FAAH2: variants seen among roughly 807,000 people sequenced by gnomAD.
FAAH2 encodes fatty acid amide hydrolase 2.
FAAH2 carries 60 observed loss-of-function variants against 36.9 expected under a neutral mutation model. The observed-to-expected ratio is 1.63, with a 90% CI of 1.32 to 2.02. The LOEUF (loss-of-function observed/expected upper bound fraction) is 2.02, where lower values mean the gene tolerates loss of function less well. FAAH2 is among the 30% of genes most tolerant of loss of function. The pLI is 0.00. For missense variants in FAAH2, 689 were observed against 397.5 expected (o/e 1.73, Z -6.23); for synonymous variants, 214 against 143.8 (o/e 1.49, Z -3.49).
At chrX:57,346,218 G>A (rs755183997) in intron 5 of FAAH2, among the ~76,000 whole-genome samples, 9 of 111,310 alleles carry the variant, frequency 8.1e-5, no homozygotes, top group Non-Finnish European at 1.5e-4. Flanking sequence ...GGCTGTCAGT[G>A]GGGTTTTGAA....
intron 7 of FAAH2, among the ~76,000 whole-genome samples, chrX:57,412,978 TGAC>T (rs2055741356): frequency 8.9e-6 from 1 of 112,632 alleles, no homozygotes; most frequent in African/African-American, 3.2e-5. Context: ...TGACCAGTAA[TGAC>T]GAGCTTTTTA....
At chrX:57,452,113 C>A (rs2056795321) in intron 10 of FAAH2, 2 of 740,788 alleles carry the variant, frequency 2.7e-6, no homozygotes, top group Non-Finnish European at 3.2e-6. Context: ...CTGGCTTTCT[C>A]CCCTCTCCCC....
intron 4 of FAAH2, among the ~76,000 whole-genome samples, chrX:57,338,096 A>G (rs978809627): frequency 1.8e-5 from 2 of 112,004 alleles, no homozygotes; most frequent in African/African-American, 6.5e-5. Context: ...ACCACCAAAC[A>G]GGCTTTGTGT....
intron 4 of FAAH2, among the ~76,000 whole-genome samples, chrX:57,336,351 ACT>A (rs2053551982): frequency 9.1e-6 from 1 of 109,978 alleles, no homozygotes; most frequent in Admixed American, 9.8e-5. Flanking sequence ...CCCTTCATTG[ACT>A]CTCTTTTCAG....
the FAAH2 span, among the ~76,000 whole-genome samples, chrX:57,226,311 G>A: frequency 3.6e-5 from 4 of 112,010 alleles, no homozygotes; most frequent in Non-Finnish European, 7.5e-5. Context: ...ATGATTTAGA[G>A]CTTCTTTTAG....
chrX:57,380,731 C>G (rs1477017346), intron 6 of FAAH2, among the ~76,000 whole-genome samples, 181 bp from the exon 7 acceptor site: 1 of 112,168 alleles, frequency 8.9e-6, no homozygotes, highest in East Asian at 2.8e-4. Context: ...CATTCTCTCC[C>G]TTGCAGCTCA....
At chrX:57,137,868 T>A in the FAAH2 span, among the ~76,000 whole-genome samples, 10,691 of 111,440 alleles carry the variant, frequency 0.096, 1,183 homozygotes, top group African/African-American at 0.32. Context: ...TGTGTATGTA[T>A]GTATATATAT....
Position 57,447,009 on chromosome X carries a change from G to C in FAAH2, c.1198G>C (p.Gly400Arg). 1.7e-6 allele frequency: 2 copies of C among 1,206,009 alleles called. No individual in the cohort carries two copies. Among genetic ancestry groups the C allele is most frequent in the Non-Finnish European group, 2.2e-6 (2 of 891,825 alleles). ...PLWELIKWCL[G>R]LSVYTIPSIG... ...GTGGGAGTTGATCAAATGGTGCCTG[G>C]GTCTGTCAGTGTACACCATCCCTTC... is the stretch of plus-strand genomic sequence containing the variant. Residue 400 changes from glycine to arginine, a missense_variant, in exon 9 of 11, where the codon GGT (glycine) becomes CGT (arginine). Coordinates refer to ENST00000374900, the MANE Select transcript of FAAH2 (RefSeq NM_174912.4).
intron 8 of FAAH2, among the ~76,000 whole-genome samples, chrX:57,437,250 C>A (rs771824968): frequency 5.4e-5 from 6 of 110,763 alleles, no homozygotes; most frequent in African/African-American, 2.0e-4. Flanking sequence ...AGGCCACATA[C>A]AACAAACCCA....
Position 57,307,925 on chromosome X carries a change from GGTT to G in FAAH2, c.276-2667_276-2665del, listed in dbSNP as rs746158425. ...GTGCCTGTGTTAATTAGGTTAATTA[GGTT>G]AATAATGACCTCTGGGTGCATCCAT... On this transcript the variant is annotated intron_variant, in intron 2 of 10. Transcript: ENST00000374900. Among the ~76,000 whole-genome samples the G allele has an allele frequency of 3.3e-4, 3 of 9,209 alleles. No individual in the cohort carries two copies. The South Asian group carries it at 0.23, about 708-fold the overall frequency. 8.0% of individuals were successfully genotyped at this position (9,209 alleles called of 115,157 possible).
chrX:57,341,248 C>T, intron 4 of FAAH2, 23 bp from the exon 5 acceptor site: 1 of 1,183,931 alleles, frequency 8.4e-7, no homozygotes, highest in African/African-American at 1.8e-5. Flanking sequence ...TATTTATTTG[C>T]AAGTATTTTG....
At position 57,420,963 on chromosome X, in the gene FAAH2, C is replaced by T. The variant is rs749225294; in HGVS notation, c.997-10955C>T. On this transcript the variant is annotated intron_variant, in intron 7 of 10. Transcript: ENST00000374900. ...TGAATTTTGTCAAAGGCCTTTTCTG[C>T]ATCTATTGAGATAATTATGTGGTTT... Among the ~76,000 whole-genome samples the T allele has an allele frequency of 8.9e-5, 10 of 112,389 alleles. No individual in the cohort carries two copies. The South Asian group carries it at 3.7e-3, about 41-fold the overall frequency.
chrX:57,448,577 T>G lies in FAAH2; in HGVS notation c.1282T>G (p.Phe428Val). ...ATATAGCAATGAGAAATACCAAAAGTTTAAGGCAGTGGAAGAAAGCCTGCG... is the reference window on the plus strand; with the variant it reads ...ATATAGCAATGAGAAATACCAAAAGGTTAAGGCAGTGGAAGAAAGCCTGCG... ...LRYSNEKYQK[F>V]KAVEESLRKE... The change falls in exon 10 of 11, where the codon TTT becomes GTT. Residue 428 changes from phenylalanine (F) to valine (V), a missense_variant. By Grantham distance (50) the Phe-to-Val change is conservative. Transcript: ENST00000374900. 1 of 1,211,243 alleles carries G rather than the reference T, an allele frequency of 8.3e-7. No individual in the cohort carries two copies.
chrX:57,199,297 GT>G, the FAAH2 span, among the ~76,000 whole-genome samples: 1 of 110,284 alleles, frequency 9.1e-6, no homozygotes, highest in Admixed American at 9.6e-5. Flanking sequence ...TTTATCAGTT[GT>G]TTCAATAGAA....
the FAAH2 span, among the ~76,000 whole-genome samples, chrX:57,268,494 G>A: frequency 9.0e-6 from 1 of 110,967 alleles, no homozygotes; most frequent in Non-Finnish European, 1.9e-5. Flanking sequence ...TTCAGGAAAT[G>A]CAGAGAACCC....
intron 10 of FAAH2, among the ~76,000 whole-genome samples, chrX:57,453,041 A>G (rs909059447): frequency 2.3e-4 from 26 of 111,925 alleles, no homozygotes; most frequent in Non-Finnish European, 3.4e-4. Context: ...TACATCCAAC[A>G]GCTTCCATTA....
At chrX:57,423,270 G>T (rs1021034152) in intron 7 of FAAH2, among the ~76,000 whole-genome samples, 2 of 112,011 alleles carry the variant, frequency 1.8e-5, no homozygotes, top group East Asian at 2.8e-4. Context: ...ACTGAGATTT[G>T]CAATCTAGTC....
chrX:57,364,700 A>C (rs2054370647), intron 5 of FAAH2, among the ~76,000 whole-genome samples: 1 of 110,390 alleles, frequency 9.1e-6, no homozygotes, highest in African/African-American at 3.3e-5. Context: ...AGCACTCTCC[A>C]CTTCCCTCTT....
In FAAH2 at chrX:57,355,433, T is replaced by C. The variant is rs751812252; in HGVS notation, c.742+14043T>C. 4.5e-5 allele frequency among the ~76,000 whole-genome samples: 5 copies of C among 111,195 alleles called. No individual in the cohort carries two copies. In the East Asian group the frequency reaches 1.4e-3, roughly 31 times the overall value. ...TTCTAAGGGAAGAAAAAATAATCCA[T>C]GGACATGAAATGCCATTCCATGTAT... is the stretch of plus-strand genomic sequence containing the variant. On this transcript the variant is annotated intron_variant, in intron 5 of 10. Transcript: ENST00000374900.
Sources: gnomAD v4.1 joint callset for allele counts (sites outside exome capture counted in the v4.1 genomes callset) on GRCh38, gnomAD v4.1.1 for gene constraint, MANE v1.5 for transcripts, NCBI Gene and HGNC (gene_info 2026-07-23, HGNC 2026-07-21) for gene names.